Variants in DLG2 observed in about 807,000 individuals in gnomAD.
DLG2 encodes the protein disks large homolog 2.
A neutral mutation model predicts 132.5 loss-of-function variants in DLG2; 45 were observed. That is an observed-to-expected ratio of 0.34 (90% confidence interval 0.27 to 0.44). The LOEUF is 0.44. DLG2 is among the 20% of genes least tolerant of loss of function. The probability of loss-of-function intolerance (pLI) is 1.00; values close to 1 mark genes in which losing one functional copy is unlikely to be tolerated. For missense variants in DLG2, 1,045 were observed against 1,196.9 expected, an observed-to-expected ratio of 0.87 and a Z score of 1.87; for synonymous variants, 424 against 419.6, an observed-to-expected ratio of 1.01 and a Z score of -0.13.
At chr11:84,272,561 T>C (rs1487265087) in intron 7 of DLG2, among the ~76,000 whole-genome samples, 1 of 152,188 alleles carries the variant, frequency 6.6e-6, no homozygotes, top group Non-Finnish European at 1.5e-5. Flanking sequence ...AACACAAACA[T>C]TATTTCTCCA....
chr11:84,574,151 A>T (rs2099492918), intron 6 of DLG2, among the ~76,000 whole-genome samples: 1 of 152,178 alleles, frequency 6.6e-6, no homozygotes, highest in African/African-American at 2.4e-5. Flanking sequence ...TCACTGGGTG[A>T]AACAGAGTAT....
At chr11:85,290,340 G>A (rs1354611132) in intron 3 of DLG2, among the ~76,000 whole-genome samples, 2 of 152,040 alleles carry the variant, frequency 1.3e-5, no homozygotes, top group Non-Finnish European at 2.9e-5. Flanking sequence ...AAACTCTAAT[G>A]TACACAAAAA....
chr11:85,127,293 C>A (rs1224116934), intron 5 of DLG2, among the ~76,000 whole-genome samples: 3 of 141,594 alleles, frequency 2.1e-5, no homozygotes, highest in African/African-American at 7.8e-5. Context: ...CACACACCTG[C>A]CAGAGCTTTG....
intron 9 of DLG2, among the ~76,000 whole-genome samples, chr11:84,148,333 G>A (rs1468799742): frequency 6.6e-6 from 1 of 152,080 alleles, no homozygotes; most frequent in Non-Finnish European, 1.5e-5. Context: ...AAGTGAGCAT[G>A]GTCCTAAGTA....
At chr11:85,546,784 G>T (rs1413544652) in intron 3 of DLG2, among the ~76,000 whole-genome samples, 1 of 126,546 alleles carries the variant, frequency 7.9e-6, no homozygotes, top group East Asian at 2.4e-4. Flanking sequence ...TTGGTTTAAA[G>T]TCTGTTTTAT....
intron 7 of DLG2, among the ~76,000 whole-genome samples, chr11:84,462,026 A>G (rs1157860633): frequency 1.3e-5 from 2 of 151,012 alleles, no homozygotes; most frequent in Non-Finnish European, 3.0e-5. Context: ...AATGTCATCA[A>G]CGTTAAGTAG....
chr11:83,929,819 A>G (rs1415336250), intron 15 of DLG2, among the ~76,000 whole-genome samples: 1 of 152,188 alleles, frequency 6.6e-6, no homozygotes, highest in African/African-American at 2.4e-5. Flanking sequence ...CTAATCCTGT[A>G]GTTTTGGACA....
At chr11:85,338,686 C>T (rs2082285365) in intron 3 of DLG2, among the ~76,000 whole-genome samples, 1 of 150,990 alleles carries the variant, frequency 6.6e-6, no homozygotes, top group Non-Finnish European at 1.5e-5. Context: ...CCCACACACC[C>T]TCTGTGTATA....
intron 11 of DLG2, among the ~76,000 whole-genome samples, chr11:84,024,843 A>G (rs1356788549): frequency 6.6e-6 from 1 of 151,490 alleles, no homozygotes; most frequent in Non-Finnish European, 1.5e-5. Context: ...CTATTGCCAA[A>G]CCCGGTGAAT....
chr11:85,412,399 T>C (rs1355131064), intron 3 of DLG2, among the ~76,000 whole-genome samples: 1 of 151,706 alleles, frequency 6.6e-6, no homozygotes, highest in Admixed American at 6.6e-5. Flanking sequence ...CATAGGTTAT[T>C]GGGGAACAGG....
chr11:84,701,242 C>G (rs1466445772), intron 6 of DLG2, among the ~76,000 whole-genome samples: 1 of 151,446 alleles, frequency 6.6e-6, no homozygotes, highest in Non-Finnish European at 1.5e-5. Context: ...AGAGAGAAGA[C>G]TATTTCTTCT....
chr11:83,727,295 C>CT (rs2090181620), intron 18 of DLG2, among the ~76,000 whole-genome samples: 1 of 152,136 alleles, frequency 6.6e-6, no homozygotes, highest in Non-Finnish European at 1.5e-5. Flanking sequence ...AGACAGGAGA[C>CT]TTGAGGGACC....
chr11:85,576,214 A>G (rs1377692232), intron 3 of DLG2, among the ~76,000 whole-genome samples: 2 of 152,208 alleles, frequency 1.3e-5, no homozygotes, highest in Admixed American at 6.5e-5. Context: ...TTATATTATC[A>G]GCAGTAACCT....
intron 9 of DLG2, among the ~76,000 whole-genome samples, chr11:84,125,742 A>G (rs1489263986): frequency 2.6e-5 from 4 of 152,192 alleles, no homozygotes; most frequent in Non-Finnish European, 5.9e-5. Context: ...GAGGACACAT[A>G]AGATTTCTTA....
At chr11:85,216,055 A>T (rs1190819470) in intron 4 of DLG2, among the ~76,000 whole-genome samples, 1 of 151,778 alleles carries the variant, frequency 6.6e-6, no homozygotes, top group Admixed American at 6.6e-5. Flanking sequence ...AATGATGTGC[A>T]TTTGTAGTCC....
intron 7 of DLG2, among the ~76,000 whole-genome samples, chr11:84,291,662 G>A (rs919388744): frequency 3.3e-5 from 5 of 152,124 alleles, no homozygotes; most frequent in African/African-American, 1.2e-4. Flanking sequence ...AAAGATCAGA[G>A]AGGCACAAGG....
intron 16 of DLG2, among the ~76,000 whole-genome samples, chr11:83,860,374 T>C (rs749233831): frequency 7.2e-5 from 11 of 152,162 alleles, no homozygotes; most frequent in Non-Finnish European, 1.6e-4. Context: ...ACCCACCTCT[T>C]ACATCAGCAT....
At chr11:85,614,054 T>C (rs141945856) in intron 2 of DLG2, among the ~76,000 whole-genome samples, 9,645 of 152,182 alleles carry the variant, frequency 0.063, 989 homozygotes, top group African/African-American at 0.22. Flanking sequence ...GAAGAAACTC[T>C]GGACACATCC....
intron 6 of DLG2, among the ~76,000 whole-genome samples, chr11:84,826,270 G>A (rs997042060): frequency 4.0e-5 from 6 of 151,684 alleles, no homozygotes; most frequent in African/African-American, 7.3e-5. Context: ...TCATTCTTTT[G>A]TGCTAGCAAA....
Sources: gnomAD v4.1 joint callset for allele counts (sites outside exome capture counted in the v4.1 genomes callset) on GRCh38, gnomAD v4.1.1 for gene constraint, MANE v1.5 for transcripts, NCBI Gene and HGNC (gene_info 2026-07-23, HGNC 2026-07-21) for gene names.